The following ZDHHC13 variants were observed in gnomAD, a reference collection of about 807,000 sequenced individuals.
ZDHHC13 encodes zDHHC palmitoyltransferase 13, also known as palmitoyltransferase ZDHHC13.
ZDHHC13 carries 85 observed loss-of-function variants against 86.0 expected under a neutral mutation model. The observed-to-expected ratio is 0.99, with a 90% CI of 0.83 to 1.18. The LOEUF is 1.18. Among genes scored for constraint, ZDHHC13 ranks in the 50% most tolerant of loss-of-function variants. ZDHHC13 has a pLI of 0.00. For synonymous variants in ZDHHC13, 263 were observed against 246.4 expected (o/e 1.07, Z -0.63); for missense variants, 711 against 730.2 (o/e 0.97, Z 0.30).
At chr11:19,154,380 TA>T (rs1251174038) in intron 8 of ZDHHC13, among the ~76,000 whole-genome samples, 1 of 151,982 alleles carries the variant, frequency 6.6e-6, no homozygotes, top group Non-Finnish European at 1.5e-5. Flanking sequence ...AAATTTACAT[TA>T]AAAAAAATCT....
chr11:19,170,413 T>A lies in ZDHHC13; in HGVS notation c.1477T>A (p.Leu493Met), dbSNP rs1850189189. 6.6e-7 allele frequency: 1 copy of A among 1,525,934 alleles called. No individual in the cohort carries two copies. The highest frequency in any genetic ancestry group is 1.4e-5 in the African/African-American group (1 of 69,986). 94.5% of individuals were successfully genotyped at this position (1,525,934 alleles called of 1,614,324 possible). The change falls in exon 15 of 17, where the codon TTG (leucine) becomes ATG (methionine). Residue 493 changes from leucine (L) to methionine (M), a missense_variant and splice_region_variant. Coordinates refer to ENST00000446113, the MANE Select transcript of ZDHHC13 (RefSeq NM_019028.3). ...TTTTTTTTTTGGTGAATTCACAGAT[T>A]TGTCCAGTCATTGTGCCACAACATT... ...GWIIYGSFIY[L>M]SSHCATTFKE... is the part of the protein sequence containing the mutation.
chr11:19,171,931 A>T (rs1273940322), intron 15 of ZDHHC13, among the ~76,000 whole-genome samples: 2 of 152,056 alleles, frequency 1.3e-5, no homozygotes, highest in South Asian at 4.1e-4. Context: ...ATGAGTGTCT[A>T]GGTTGTTGGT....
At position 19,143,049 on chromosome 11, in the gene ZDHHC13, A is replaced by G. The variant is rs1565028113; in HGVS notation, c.99A>G (p.Lys33=). Residue 33 remains lysine (K), a synonymous_variant, in exon 2 of 17, where the codon AAA becomes AAG. Transcript: ENST00000446113. ...ATGGCATCTGTGCACATGAAAACAA[A>G]GAACTTGCCAATGCAAGAGAAGCTC... ...GRYGICAHEN[K]ELANAREALP... 1.9e-6 allele frequency: 3 copies of G among 1,613,190 alleles called. No homozygotes were observed. The highest frequency in any genetic ancestry group is 1.7e-6 in the Non-Finnish European group (2 of 1,179,558).
Position 19,166,404 on chromosome 11 carries a change from T to TA in ZDHHC13, c.1474+20dup. The TA allele has an allele frequency of 6.3e-7, 1 of 1,589,434 alleles. No individual in the cohort carries two copies. The highest frequency in any genetic ancestry group is 1.7e-5 in the Admixed American group (1 of 58,582). On this transcript the variant is annotated intron_variant, in intron 14 of 16. Coordinates refer to ENST00000446113, the MANE Select transcript of ZDHHC13 (RefSeq NM_019028.3). ...TTCATCTGTAAGTGTAAATTTTTCT[T>TA]ACAACAAGCACATACATCTACACCC...
chr11:19,158,839 G>T, intron 9 of ZDHHC13, 101 bp from the exon 10 acceptor site: 1 of 743,714 alleles, frequency 1.3e-6, no homozygotes, highest in East Asian at 2.8e-5. Context: ...TATTACTGTT[G>T]CTGCTGGTAT....
At chr11:19,134,657 T>C (rs1849082841) in intron 1 of ZDHHC13, among the ~76,000 whole-genome samples, 1 of 147,714 alleles carries the variant, frequency 6.8e-6, no homozygotes, top group South Asian at 2.1e-4. Context: ...AGTTGAACAG[T>C]GAGAATATAT....
At chr11:19,133,920 C>CATAT (rs1554961794) in intron 1 of ZDHHC13, among the ~76,000 whole-genome samples, 3,525 of 83,354 alleles carry the variant, frequency 0.042, 299 homozygotes, top group African/African-American at 0.099. Context: ...GAAAGAAGTC[C>CATAT]ATATATATAT....
intron 2 of ZDHHC13, among the ~76,000 whole-genome samples, chr11:19,145,940 T>C (rs893760058): frequency 6.6e-6 from 1 of 152,184 alleles, no homozygotes; most frequent in Non-Finnish European, 1.5e-5. Context: ...AAGTTTAAAG[T>C]TTACTTAAGA....
At position 19,117,602 on chromosome 11, in the gene ZDHHC13, G is replaced by A. The variant is rs1234237126; in HGVS notation, c.27+326G>A. 1.2e-5 allele frequency: 4 copies of A among 327,264 alleles called. No homozygotes were observed. The highest frequency in any genetic ancestry group is 2.2e-5 in the Non-Finnish European group (4 of 179,924). 20.3% of individuals were successfully genotyped at this position (327,264 alleles called of 1,614,324 possible). ...TGGGGAGGGGACGATGGCCCTTCCC[G>A]GGAGAGGTGTCAGGTGACACACCTG... On this transcript the variant is annotated intron_variant, in intron 1 of 16. Transcript: ENST00000446113. This position sits in a 1 kb window ranked among gnomAD's most constrained non-coding sequence, Gnocchi z 4.2.
intron 1 of ZDHHC13, among the ~76,000 whole-genome samples, chr11:19,125,014 A>G (rs766023605): frequency 1.3e-5 from 2 of 152,188 alleles, no homozygotes; most frequent in African/African-American, 2.4e-5. Flanking sequence ...CACAGTCACC[A>G]GAAACACTGA....
At chr11:19,146,940 C>G (rs2133414421) in intron 3 of ZDHHC13, among the ~76,000 whole-genome samples, 1 of 152,226 alleles carries the variant, frequency 6.6e-6, no homozygotes, top group East Asian at 1.9e-4. Context: ...AGGCAAACTC[C>G]TCTTCTGTGG....
chr11:19,166,419 C>T lies in ZDHHC13; in HGVS notation c.1474+34C>T, dbSNP rs1317580897. The T allele has an allele frequency of 3.3e-6, 5 of 1,502,986 alleles. No homozygotes were observed. In the East Asian group the frequency reaches 1.1e-4, roughly 34 times the overall value. 93.1% of individuals were successfully genotyped at this position (1,502,986 alleles called of 1,614,324 possible). A position where few individuals can be genotyped will look rare whatever the true frequency, so the allele number is the denominator to read the frequency against. On this transcript the variant is annotated intron_variant, in intron 14 of 16. Coordinates refer to ENST00000446113, the MANE Select transcript of ZDHHC13 (RefSeq NM_019028.3). ...AAATTTTTCTTACAACAAGCACATA[C>T]ATCTACACCCATTTCTACTTTTCCT...
intron 15 of ZDHHC13, among the ~76,000 whole-genome samples, chr11:19,172,360 C>T (rs1165050755): frequency 6.6e-6 from 1 of 152,110 alleles, no homozygotes; most frequent in African/African-American, 2.4e-5. Flanking sequence ...CGTGAGCCAC[C>T]GTGCCCTGCC....
At chr11:19,126,245 G>T (rs370973577) in intron 1 of ZDHHC13, among the ~76,000 whole-genome samples, 4 of 151,986 alleles carry the variant, frequency 2.6e-5, no homozygotes, top group African/African-American at 9.6e-5. Context: ...CTAGTACCCA[G>T]TAGTGATTTT....
chr11:19,163,094 G>A (rs1006863018), intron 10 of ZDHHC13, among the ~76,000 whole-genome samples: 15 of 152,116 alleles, frequency 9.9e-5, no homozygotes, highest in Admixed American at 8.5e-4. Context: ...TATTTAATAT[G>A]AGCTTCAACT....
In ZDHHC13 at chr11:19,117,173, C is replaced by T; in HGVS notation, c.-77C>T. Reference sequence around the variant, plus strand: ...CGCCAGCAGGAAGTGGGAGAAGAGGCGACCCAAGGCGGGCTGGCGGGCTGG... The same window carrying T: ...CGCCAGCAGGAAGTGGGAGAAGAGGTGACCCAAGGCGGGCTGGCGGGCTGG... On this transcript the variant is annotated 5_prime_UTR_variant, in exon 1 of 17. Coordinates refer to ENST00000446113, the MANE Select transcript of ZDHHC13 (RefSeq NM_019028.3). The surrounding 1 kb of genome is among the most constrained non-coding windows in gnomAD (Gnocchi z 4.2). The T allele has an allele frequency of 6.7e-7, 1 of 1,488,206 alleles. No homozygotes were observed. Among genetic ancestry groups the T allele is most frequent in the Non-Finnish European group, 9.0e-7 (1 of 1,105,438 alleles). 92.2% of individuals were successfully genotyped at this position (1,488,206 alleles called of 1,614,324 possible).
intron 1 of ZDHHC13, among the ~76,000 whole-genome samples, chr11:19,128,392 A>C (rs1042721384): frequency 6.6e-6 from 1 of 152,186 alleles, no homozygotes; most frequent in Non-Finnish European, 1.5e-5. Flanking sequence ...TGTTATCTGC[A>C]AACAGCGATA....
At chr11:19,126,919 A>G (rs1471976767) in intron 1 of ZDHHC13, among the ~76,000 whole-genome samples, 3 of 152,208 alleles carry the variant, frequency 2.0e-5, no homozygotes, top group African/African-American at 7.2e-5. Context: ...TACAGTCAAC[A>G]TTCACATACA....
intron 1 of ZDHHC13, among the ~76,000 whole-genome samples, chr11:19,136,318 T>G (rs905989857): frequency 6.6e-6 from 1 of 152,070 alleles, no homozygotes; most frequent in African/African-American, 2.4e-5. Context: ...GAAGAAAGGG[T>G]ATCAGTGATG....
Sources: allele counts gnomAD v4.1 joint callset (sites outside exome capture counted in the v4.1 genomes callset), GRCh38; gene constraint gnomAD v4.1.1; non-coding constraint Gnocchi (gnomAD v3.1); transcripts MANE v1.5; gene names NCBI Gene and HGNC (gene_info 2026-07-23, HGNC 2026-07-21).